Variants in KIF26B observed in about 807,000 individuals in gnomAD.
KIF26B encodes kinesin-like protein KIF26B.
Under a neutral mutation model 151.2 loss-of-function variants are expected in KIF26B, and 63 were observed. That is an observed-to-expected ratio of 0.42 (90% CI 0.34 to 0.51). The LOEUF is 0.51. Among genes scored for constraint, KIF26B ranks in the 20% least tolerant of loss-of-function variants. The probability of loss-of-function intolerance (pLI) is 0.07; values close to 1 mark genes in which losing one functional copy is unlikely to be tolerated. For missense variants in KIF26B, 2,813 were observed against 2,913.6 expected, an observed-to-expected ratio of 0.97 and a Z score of 0.79; for synonymous variants, 1,357 against 1,262.1, an observed-to-expected ratio of 1.08 and a Z score of -1.59.
At chr1:245,504,685 C>A (rs1660696628) in intron 4 of KIF26B, among the ~76,000 whole-genome samples, 1 of 151,946 alleles carries the variant, frequency 6.6e-6, no homozygotes, top group South Asian at 2.1e-4. Context: ...AAGAGTCCTC[C>A]CATCTTGGCC....
chr1:245,312,267 A>G (rs1671679290), intron 2 of KIF26B, among the ~76,000 whole-genome samples: 1 of 152,174 alleles, frequency 6.6e-6, no homozygotes, highest in Non-Finnish European at 1.5e-5. Flanking sequence ...GATGCAACTG[A>G]TGGCCCGTGT....
chr1:245,686,426 C>T lies in KIF26B; in HGVS notation c.3443C>T (p.Pro1148Leu), dbSNP rs759894474. ...ATGTCTGCTGGGAGCGAAGGGTTCC[C>T]GGAAACTCCTGTCGATGATGAGCAG... ...KSMSAGSEGF[P>L]ETPVDDEQQA... Residue 1148 changes from proline to leucine, a missense_variant, in exon 12 of 15, where the codon CCG becomes CTG. By Grantham distance (98) the Pro-to-Leu change is moderately conservative. Around this residue, in one of 3 missense-constraint regions of KIF26B, gnomAD observed 2,060 missense variants for 2,088.6 expected, o/e 0.99. Coordinates refer to ENST00000407071, the MANE Select transcript of KIF26B (RefSeq NM_018012.4). The surrounding 1 kb of genome is among the most constrained non-coding windows in gnomAD (Gnocchi z 5.6). 53 of 1,613,316 alleles carry T rather than the reference C, an allele frequency of 3.3e-5. No homozygotes were observed. Among genetic ancestry groups the T allele is most frequent in the South Asian group, 4.4e-5 (4 of 91,086 alleles).
intron 5 of KIF26B, among the ~76,000 whole-genome samples, chr1:245,575,258 T>G (rs1415249384): frequency 1.8e-4 from 27 of 151,834 alleles, no homozygotes; most frequent in Non-Finnish European, 1.5e-5. Context: ...GTGGATCACC[T>G]GATGTCAGGA....
At chr1:245,550,090 C>T (rs188716391) in intron 5 of KIF26B, among the ~76,000 whole-genome samples, 1 of 152,312 alleles carries the variant, frequency 6.6e-6, no homozygotes, top group African/African-American at 2.4e-5. Context: ...ATTACAGTAG[C>T]ACCGAGTGCT....
At chr1:245,579,821 C>G (rs1353490560) in intron 5 of KIF26B, among the ~76,000 whole-genome samples, 1 of 151,302 alleles carries the variant, frequency 6.6e-6, no homozygotes, top group Non-Finnish European at 1.5e-5. Flanking sequence ...GCACTCCAGC[C>G]TGGGCAACAA....
At chr1:245,619,900 A>G (rs910264881) in intron 9 of KIF26B, among the ~76,000 whole-genome samples, 4 of 152,020 alleles carry the variant, frequency 2.6e-5, no homozygotes, top group Non-Finnish European at 5.9e-5. Context: ...GTGACAGGGC[A>G]AGACTCCATC....
At chr1:245,675,723 T>C (rs1485682752) in intron 10 of KIF26B, among the ~76,000 whole-genome samples, 3 of 152,054 alleles carry the variant, frequency 2.0e-5, no homozygotes, top group South Asian at 2.1e-4. Context: ...TGGGAGATTA[T>C]TGCATTTCTT....
chr1:245,490,405 G>A lies in KIF26B; in HGVS notation c.1167-50362G>A, dbSNP rs201398308. ...CGGCTCACTGCAACCTCCGCCTCCC[G>A]GGTTCAAGTGATTCTCCTGCCTCAG... On this transcript the variant is annotated intron_variant, in intron 4 of 14. Transcript: ENST00000407071. Among the ~76,000 whole-genome samples, 26 of 148,638 alleles carry A rather than the reference G, an allele frequency of 1.7e-4. No homozygotes were observed. In the East Asian group the frequency reaches 4.2e-3, roughly 24 times the overall value.
At chr1:245,672,362 G>A (rs755848390) in intron 10 of KIF26B, among the ~76,000 whole-genome samples, 5 of 152,280 alleles carry the variant, frequency 3.3e-5, no homozygotes, top group East Asian at 1.9e-4. Context: ...GAAAGGCCAC[G>A]GCACAGGGAC....
At chr1:245,679,457 G>GTTTTTTTTTTTTTTTTTTTTTTTTTTTT (rs35663208) in intron 10 of KIF26B, among the ~76,000 whole-genome samples, 1 of 59,174 alleles carries the variant, frequency 1.7e-5, no homozygotes, top group Non-Finnish European at 3.2e-5. Flanking sequence ...TTTTGTGTGT[G>GTTTTTTTTTTTTTTTTTTTTTTTTTTTT]TTTTTTTTTT....
chr1:245,252,809 C>T (rs1319097167), intron 2 of KIF26B, among the ~76,000 whole-genome samples: 1 of 151,996 alleles, frequency 6.6e-6, no homozygotes, highest in Non-Finnish European at 1.5e-5. Context: ...GAATCCTTGT[C>T]AGTTCTAAGT....
chr1:245,596,452 C>T (rs1262570162), intron 5 of KIF26B, among the ~76,000 whole-genome samples: 2 of 152,140 alleles, frequency 1.3e-5, no homozygotes, highest in Non-Finnish European at 2.9e-5. Flanking sequence ...GTTCAGTTTC[C>T]ATGTAGTTGT....
chr1:245,545,431 G>A (rs1246361437), intron 5 of KIF26B, among the ~76,000 whole-genome samples: 1 of 152,140 alleles, frequency 6.6e-6, no homozygotes, highest in Admixed American at 6.5e-5. Context: ...GCACCTACTA[G>A]GTGTTAGGTA....
At chr1:245,582,121 C>T (rs1037380248) in intron 5 of KIF26B, among the ~76,000 whole-genome samples, 10 of 152,134 alleles carry the variant, frequency 6.6e-5, no homozygotes, top group Admixed American at 6.5e-5. Flanking sequence ...AAGTCCCATC[C>T]GTCAGACACA....
At chr1:245,508,202 C>T (rs1172319819) in intron 4 of KIF26B, among the ~76,000 whole-genome samples, 1 of 152,200 alleles carries the variant, frequency 6.6e-6, no homozygotes, top group African/African-American at 2.4e-5. Context: ...TTCATTCATT[C>T]ATTCATTCAT....
intron 9 of KIF26B, among the ~76,000 whole-genome samples, chr1:245,639,756 C>T (rs1249223124): frequency 1.3e-5 from 2 of 151,710 alleles, no homozygotes; most frequent in East Asian, 3.9e-4. Flanking sequence ...ATTCAATTTC[C>T]ATATATTTGA....
At chr1:245,264,332 A>G (rs1250927466) in intron 2 of KIF26B, among the ~76,000 whole-genome samples, 1 of 152,222 alleles carries the variant, frequency 6.6e-6, no homozygotes, top group Non-Finnish European at 1.5e-5. Context: ...GTAAAACACT[A>G]CTGCATAGAG....
chr1:245,169,328 GGT>G (rs58501579), intron 2 of KIF26B, among the ~76,000 whole-genome samples: 2,367 of 134,152 alleles, frequency 0.018, 68 homozygotes, highest in African/African-American at 0.064. Flanking sequence ...AACGGGCCAT[GGT>G]GTGTGTGTGT....
intron 2 of KIF26B, among the ~76,000 whole-genome samples, chr1:245,183,222 T>C (rs1668938407): frequency 6.6e-6 from 1 of 152,240 alleles, no homozygotes; most frequent in African/African-American, 2.4e-5. Flanking sequence ...TTATCAGATA[T>C]ATGATTGGCC....
Sources: allele counts gnomAD v4.1 joint callset (sites outside exome capture counted in the v4.1 genomes callset), GRCh38; gene constraint gnomAD v4.1.1; regional missense constraint gnomAD v4.1.1; non-coding constraint Gnocchi (gnomAD v3.1); transcripts MANE v1.5; gene names NCBI Gene and HGNC (gene_info 2026-07-23, HGNC 2026-07-21).